The following GABRA3 variants were observed in gnomAD, a reference collection of about 807,000 sequenced individuals.
The protein encoded by GABRA3 is gamma-aminobutyric acid receptor subunit alpha-3.
GABRA3 carries 10 observed loss-of-function variants against 30.1 expected under a neutral mutation model. That is an observed-to-expected ratio of 0.33 (90% CI 0.20 to 0.56). The LOEUF (loss-of-function observed/expected upper bound fraction) is 0.56, where lower values mean the gene tolerates loss of function less well. Among genes scored for constraint, GABRA3 ranks in the 20% least tolerant of loss-of-function variants. The pLI is 0.89. For synonymous variants in GABRA3, 151 were observed against 146.8 expected (o/e 1.03, Z -0.21); for missense variants, 233 against 392.0 (o/e 0.59, Z 3.42).
intron 3 of GABRA3, among the ~76,000 whole-genome samples, chrX:152,293,002 T>C (rs1939450178): frequency 9.0e-6 from 1 of 111,293 alleles, no homozygotes; most frequent in Non-Finnish European, 1.9e-5. Flanking sequence ...AAGTGCGATG[T>C]GGTGCTGAAA....
intron 1 of GABRA3, among the ~76,000 whole-genome samples, chrX:152,450,514 C>T (rs1931195468): frequency 9.2e-6 from 1 of 108,640 alleles, no homozygotes; most frequent in African/African-American, 3.4e-5. Context: ...GAAGTCAGGC[C>T]CAACCCCACA....
intron 3 of GABRA3, among the ~76,000 whole-genome samples, chrX:152,289,845 C>T (rs1329831122): frequency 9.0e-6 from 1 of 111,717 alleles, no homozygotes; most frequent in Non-Finnish European, 1.9e-5. Context: ...AGGACATGAA[C>T]TCATCCTTTC....
chrX:152,378,276 C>T (rs1192186637), intron 1 of GABRA3, among the ~76,000 whole-genome samples: 1 of 111,697 alleles, frequency 9.0e-6, no homozygotes, highest in African/African-American at 3.2e-5. Flanking sequence ...GAGCAGAAAG[C>T]AAATCCCCAT....
At chrX:152,383,248 G>A (rs1929194106) in intron 1 of GABRA3, among the ~76,000 whole-genome samples, 1 of 107,676 alleles carries the variant, frequency 9.3e-6, no homozygotes, top group Admixed American at 1.0e-4. Context: ...AATTAGCCGG[G>A]TGTGGTGGCG....
At chrX:152,303,906 A>C (rs1939679231) in intron 3 of GABRA3, among the ~76,000 whole-genome samples, 1 of 111,318 alleles carries the variant, frequency 9.0e-6, no homozygotes, top group Admixed American at 9.6e-5. Flanking sequence ...GCAGCAAAAC[A>C]CCATGGCATA....
At chrX:152,369,603 C>A (rs1928773607) in intron 1 of GABRA3, among the ~76,000 whole-genome samples, 1 of 111,206 alleles carries the variant, frequency 9.0e-6, no homozygotes, top group South Asian at 3.8e-4. Flanking sequence ...CCGTCACTTC[C>A]TTCATAGTGT....
intron 4 of GABRA3, among the ~76,000 whole-genome samples, chrX:152,281,883 A>T (rs1407915856): frequency 8.9e-6 from 1 of 112,292 alleles, no homozygotes; most frequent in Non-Finnish European, 1.9e-5. Flanking sequence ...TTTTCAGCTA[A>T]GTGGAGGAAG....
At chrX:152,442,481 C>A (rs1367490417) in intron 1 of GABRA3, among the ~76,000 whole-genome samples, 2 of 110,925 alleles carry the variant, frequency 1.8e-5, no homozygotes, top group African/African-American at 6.5e-5. Context: ...ATCATAAATA[C>A]TAATTTTCTG....
rs1384790433 is a variant in GABRA3, at chrX:152,168,161, C to T, written c.*67G>A. The T allele has an allele frequency of 1.3e-5, 12 of 926,382 alleles. No individual in the cohort carries two copies. Among genetic ancestry groups the T allele is most frequent in the African/African-American group, 3.9e-5 (2 of 51,363 alleles). 76.3% of individuals were successfully genotyped at this position (926,382 alleles called of 1,213,427 possible). A position where few individuals can be genotyped will look rare whatever the true frequency, so the allele number is the denominator to read the frequency against. On this transcript the variant is annotated 3_prime_UTR_variant, in exon 10 of 10. Transcript: ENST00000370314. ...TCCTGAAATACGCGAAGGGGAGCCC[C>T]GGGGTTTGGGTGCCTGGATGCTTCA...
chrX:152,366,666 A>G (rs1928669873), intron 1 of GABRA3, among the ~76,000 whole-genome samples: 1 of 112,605 alleles, frequency 8.9e-6, no homozygotes, highest in Non-Finnish European at 1.9e-5. Flanking sequence ...TGAAACAAAG[A>G]GCCTTCAAAA....
At position 152,168,430 on chromosome X, in the gene GABRA3, G is replaced by A; in HGVS notation, c.1277C>T (p.Ser426Leu). 2 of 1,212,131 alleles carry A rather than the reference G, an allele frequency of 1.6e-6. No homozygotes were observed. The highest frequency in any genetic ancestry group is 2.2e-6 in the Non-Finnish European group (2 of 895,558). ...GGGTGAAGCAATGATTGTTGGGGTTGAGGAGGCACTGGGAGCAGCGCCCTT... is the reference window on the plus strand; with the variant it reads ...GGGTGAAGCAATGATTGTTGGGGTTAAGGAGGCACTGGGAGCAGCGCCCTT... Reference protein sequence around the residue: ...ISKGAAPSASSTPTIIASPKA... With the variant: ...ISKGAAPSASLTPTIIASPKA... Residue 426 changes from serine to leucine, a missense_variant, in exon 10 of 10, where the codon TCA (serine) becomes TTA (leucine). Physicochemically the swap from Ser to Leu is moderately radical, Grantham distance 145. Transcript: ENST00000370314.
chrX:152,224,925 C>T (rs1011207504), intron 5 of GABRA3, 80 bp from the exon 6 acceptor site: 2 of 645,213 alleles, frequency 3.1e-6, no homozygotes, highest in Non-Finnish European at 4.8e-6. Flanking sequence ...CACTCAGTTC[C>T]TAAGAATAAC....
chrX:152,355,841 T>C (rs766152885), intron 2 of GABRA3, among the ~76,000 whole-genome samples: 24 of 111,740 alleles, frequency 2.1e-4, no homozygotes, highest in Non-Finnish European at 4.3e-4. Flanking sequence ...GTCAAAATAC[T>C]TGACCAGGAA....
intron 5 of GABRA3, among the ~76,000 whole-genome samples, chrX:152,230,968 C>A (rs576298338): frequency 1.8e-5 from 2 of 109,783 alleles, no homozygotes; most frequent in South Asian, 7.6e-4. Flanking sequence ...CATAAAAATT[C>A]AAAGCTTTTG....
intron 5 of GABRA3, among the ~76,000 whole-genome samples, chrX:152,232,963 T>C (rs920324894): frequency 9.0e-6 from 1 of 111,219 alleles, no homozygotes; most frequent in African/African-American, 3.3e-5. Flanking sequence ...ACCTGCATCC[T>C]TGTCAACATC....
At chrX:152,168,664 GA>G (rs1285499824) in intron 9 of GABRA3, 101 bp from the exon 10 acceptor site, 2 of 643,452 alleles carry the variant, frequency 3.1e-6, no homozygotes, top group African/African-American at 4.4e-5. Flanking sequence ...GAGGAGCCAT[GA>G]GGGAAGTTAA....
intron 1 of GABRA3, among the ~76,000 whole-genome samples, chrX:152,431,006 A>G (rs755445797): frequency 8.9e-6 from 1 of 111,891 alleles, no homozygotes; most frequent in Non-Finnish European, 1.9e-5. Flanking sequence ...TTGAAAGTCA[A>G]CTGAATATCA....
chrX:152,174,788 T>G (rs1286207385), intron 9 of GABRA3, among the ~76,000 whole-genome samples: 4 of 112,051 alleles, frequency 3.6e-5, no homozygotes, highest in African/African-American at 1.3e-4. Context: ...AGAAGCTCTT[T>G]AGTTTAATTA....
At chrX:152,331,696 C>T (rs1457721260) in intron 3 of GABRA3, among the ~76,000 whole-genome samples, 2 of 111,311 alleles carry the variant, frequency 1.8e-5, no homozygotes, top group African/African-American at 6.5e-5. Context: ...GAAATCTAAA[C>T]TTATTTACAG....
Sources: gnomAD v4.1 joint callset for allele counts (sites outside exome capture counted in the v4.1 genomes callset) on GRCh38, gnomAD v4.1.1 for gene constraint, MANE v1.5 for transcripts, NCBI Gene and HGNC (gene_info 2026-07-23, HGNC 2026-07-21) for gene names.